ZNF518A: variants seen among roughly 807,000 people sequenced by gnomAD.
ZNF518A encodes the protein zinc finger protein 518A.
Under a neutral mutation model 102.7 loss-of-function variants are expected in ZNF518A, and 47 were observed. That is an observed-to-expected ratio of 0.46 (90% CI 0.36 to 0.58). ZNF518A has a LOEUF of 0.58. ZNF518A is among the 20% of genes least tolerant of loss of function. The pLI, the probability that ZNF518A is intolerant of heterozygous loss-of-function variation, is 0.00. For missense variants in ZNF518A, 1,793 were observed against 1,699.8 expected (o/e 1.05, Z -0.96); for synonymous variants, 652 against 594.6 (o/e 1.10, Z -1.40).
At chr10:96,139,498 C>T (rs1343635242) in intron 3 of ZNF518A, among the ~76,000 whole-genome samples, 1 of 152,084 alleles carries the variant, frequency 6.6e-6, no homozygotes, top group African/African-American at 2.4e-5. Context: ...CACCTGTGAA[C>T]CAGGAAGTAG....
rs116295498 is a variant in ZNF518A, at chr10:96,145,791, G to A, written c.-301-9535G>A. On this transcript the variant is annotated intron_variant, in intron 3 of 5. Coordinates refer to ENST00000316045, the MANE Select transcript of ZNF518A (RefSeq NM_001330736.2). ...CACAGAAATCACTTGCTTTGTTTGAGAATTTGCATCATGCCACTTTTTCAT... is the reference window on the plus strand; with the variant it reads ...CACAGAAATCACTTGCTTTGTTTGAAAATTTGCATCATGCCACTTTTTCAT... Among the ~76,000 whole-genome samples the A allele has an allele frequency of 7.1e-3, 1,087 of 152,306 alleles. 14 individuals carry two copies. The highest frequency in any genetic ancestry group is 0.023 in the African/African-American group (973 of 41,566).
At position 96,158,328 on chromosome 10, in the gene ZNF518A, C is replaced by G; in HGVS notation, c.2006C>G (p.Ser669Cys). ...VYENPQRESSSSKTVVQQPIS... is the reference protein window; with the variant it reads ...VYENPQRESSCSKTVVQQPIS... ...GAAAACCCTCAAAGAGAATCTTCAT[C>G]CAGCAAAACAGTTGTCCAACAACCA... is the stretch of plus-strand genomic sequence containing the variant. The change falls in exon 6 of 6, where the codon TCC becomes TGC. Residue 669 changes from serine (S) to cysteine (C), a missense_variant. By Grantham distance (112) the Ser-to-Cys change is moderately radical. Around this residue, in one of 3 missense-constraint regions of ZNF518A, gnomAD observed 1,741 missense variants for 1,622.6 expected, o/e 1.07. Coordinates refer to ENST00000316045, the MANE Select transcript of ZNF518A (RefSeq NM_001330736.2). The G allele has an allele frequency of 1.2e-6, 2 of 1,613,696 alleles. No individual in the cohort carries two copies. The highest frequency in any genetic ancestry group is 1.7e-6 in the Non-Finnish European group (2 of 1,179,732).
rs1564786454 is a variant in ZNF518A at position 96,160,095 on chromosome 10, CAAA to C, written c.3776_3778del (p.Lys1259del). The C allele has an allele frequency of 1.2e-6, 2 of 1,608,218 alleles. No homozygotes were observed. The highest frequency in any genetic ancestry group is 2.7e-5 in the African/African-American group (2 of 74,474). On this transcript the variant is annotated inframe_deletion, in exon 6 of 6. Transcript: ENST00000316045. ...ACTTCCAAAAAAATTTTTTCAAAAA[CAAA>C]AACTCATGGAAGTAAAGACTCTGAA...
intron 1 of ZNF518A, chr10:96,190,185 AG>A: frequency 1.2e-6 from 1 of 800,528 alleles, no homozygotes; most frequent in Non-Finnish European, 2.2e-6. Context: ...TCTGGGCCTC[AG>A]GGGGCTCACG....
At position 96,158,126 on chromosome 10, in the gene ZNF518A, A is replaced by C; in HGVS notation, c.1804A>C (p.Asn602His). The change falls in exon 6 of 6, where the codon AAC (asparagine) becomes CAC (histidine). Residue 602 changes from asparagine to histidine, a missense_variant. Physicochemically the swap from Asn to His is moderately conservative, Grantham distance 68 (BLOSUM62 1). Transcript: ENST00000316045. ...GTTIKSPDKVNCVAKPNAYNS... is the reference protein window; with the variant it reads ...GTTIKSPDKVHCVAKPNAYNS... The stretch of plus-strand genomic sequence containing the variant: ...CACCATTAAAAGTCCAGATAAAGTC[A>C]ACTGTGTTGCCAAACCAAATGCATA... 2 of 1,613,590 alleles carry C rather than the reference A, an allele frequency of 1.2e-6. No individual in the cohort carries two copies. The highest frequency in any genetic ancestry group is 1.7e-6 in the Non-Finnish European group (2 of 1,179,676).
intron 1 of ZNF518A, among the ~76,000 whole-genome samples, chr10:96,170,433 A>G (rs1293078226): frequency 6.6e-6 from 1 of 152,190 alleles, no homozygotes; most frequent in Non-Finnish European, 1.5e-5. Context: ...GTATTTTGTG[A>G]TTGAAGACTG....
chr10:96,204,264 C>T (rs2083737393), downstream of ZNF518A: 1 of 780,268 alleles, frequency 1.3e-6, no homozygotes, highest in Non-Finnish European at 2.1e-6. Flanking sequence ...AAGTAAGACT[C>T]TTCCTTTTAG....
In ZNF518A at chr10:96,159,802, G is replaced by A. The variant is rs782723648; in HGVS notation, c.3480G>A (p.Leu1160=). ...TAAATGTGACTGCTGCTAATAATCTGTCAGTAAGCAACTCTGCATCCTCAT... is the reference window on the plus strand; with the variant it reads ...TAAATGTGACTGCTGCTAATAATCTATCAGTAAGCAACTCTGCATCCTCAT... ...PVLNVTAANN[L]SVSNSASSLQ... is the part of the protein sequence containing the mutation. The change falls in exon 6 of 6, where the codon CTG becomes CTA. Residue 1160 remains leucine (L), a synonymous_variant. Transcript: ENST00000316045. 4 of 1,613,640 alleles carry A rather than the reference G, an allele frequency of 2.5e-6. No individual in the cohort carries two copies. In the East Asian group the frequency reaches 8.9e-5, roughly 36 times the overall value.
chr10:96,137,797 C>G (rs185669851), intron 3 of ZNF518A, among the ~76,000 whole-genome samples: 1 of 152,176 alleles, frequency 6.6e-6, no homozygotes, highest in South Asian at 2.1e-4. Context: ...ATACACACAC[C>G]GATAACTCCC....
At chr10:96,136,255 C>T (rs17111359) in intron 3 of ZNF518A, among the ~76,000 whole-genome samples, 10,652 of 151,710 alleles carry the variant, frequency 0.07, 725 homozygotes, top group African/African-American at 0.18. Context: ...TGTAAAATTA[C>T]TCATTTTGGC....
At chr10:96,189,210 A>G (rs2083292452) in intron 1 of ZNF518A, among the ~76,000 whole-genome samples, 1 of 152,252 alleles carries the variant, frequency 6.6e-6, no homozygotes, top group South Asian at 2.1e-4. Flanking sequence ...CATTTTGGAC[A>G]ACACATTCTT....
At chr10:96,135,278 T>G (rs1421267141) in intron 3 of ZNF518A, 1 of 152,240 alleles carries the variant, frequency 6.6e-6, no homozygotes, top group Admixed American at 6.5e-5. Context: ...AGTTTCAATC[T>G]CAGGGAACAT....
chr10:96,150,719 T>TA (rs1564759659), intron 3 of ZNF518A, among the ~76,000 whole-genome samples: 2 of 142,848 alleles, frequency 1.4e-5, no homozygotes, highest in Non-Finnish European at 3.1e-5. Flanking sequence ...TTTTTTTTTT[T>TA]ATTGCAGCAA....
rs782118126 is a variant in ZNF518A, at chr10:96,148,440, C to CA, written c.-301-6875dup. On this transcript the variant is annotated intron_variant, in intron 3 of 5. Transcript: ENST00000316045. ...GGGCAACAAGAGTGGAACTCTGTCT[C>CA]AAAAAAAAAAATGTTTTGTCTTAGT... 6.7e-4 allele frequency among the ~76,000 whole-genome samples: 98 copies of CA among 146,100 alleles called. 1 individual carries two copies. Among genetic ancestry groups the CA allele is most frequent in the South Asian group, 1.5e-3 (7 of 4,608 alleles).
At chr10:96,132,904 A>C (rs1372097739) in intron 2 of ZNF518A, 4 of 152,096 alleles carry the variant, frequency 2.6e-5, no homozygotes, top group African/African-American at 9.7e-5. Flanking sequence ...AATACTCTAA[A>C]ATCCTAAAAA....
In ZNF518A at chr10:96,200,808, A is replaced by G. The variant is rs1367189281; in HGVS notation, n.36-2766A>G. Among the ~76,000 whole-genome samples the G allele has an allele frequency of 6.6e-6, 1 of 151,768 alleles. No individual in the cohort carries two copies. Among genetic ancestry groups the G allele is most frequent in the African/African-American group, 2.4e-5 (1 of 41,386 alleles). ...AACTGGAGCAATGTCTTAGTCATTG[A>G]AAAAAAACAACAACTGGGTATTCTG... On this transcript the variant is annotated intron_variant and non_coding_transcript_variant, in intron 1 of 2. Coordinates refer to the ZNF518A transcript ENST00000442635. The surrounding 1 kb of genome is among the most constrained non-coding windows in gnomAD (Gnocchi z 4.3).
At chr10:96,153,762 C>T (rs782568982) in intron 3 of ZNF518A, among the ~76,000 whole-genome samples, 2 of 152,056 alleles carry the variant, frequency 1.3e-5, no homozygotes, top group African/African-American at 2.4e-5. Context: ...CATGAAAACT[C>T]GAGTAGCACA....
At chr10:96,153,515 C>T (rs1270407050) in intron 3 of ZNF518A, among the ~76,000 whole-genome samples, 12 of 152,112 alleles carry the variant, frequency 7.9e-5, no homozygotes, top group Non-Finnish European at 1.6e-4. Context: ...ATAACAAACC[C>T]CAAACTACCT....
At chr10:96,131,549 A>G (rs2081338144) in intron 1 of ZNF518A, among the ~76,000 whole-genome samples, 1 of 152,208 alleles carries the variant, frequency 6.6e-6, no homozygotes, top group African/African-American at 2.4e-5. Flanking sequence ...TGTAAATTAG[A>G]TCATCCCTAG....
Sources: gnomAD v4.1 joint callset for allele counts (sites outside exome capture counted in the v4.1 genomes callset) on GRCh38, gnomAD v4.1.1 for gene constraint, gnomAD v4.1.1 regional missense constraint, Gnocchi (gnomAD v3.1) non-coding constraint, MANE v1.5 for transcripts, NCBI Gene and HGNC (gene_info 2026-07-23, HGNC 2026-07-21) for gene names.